BCAS3: variants seen among roughly 807,000 people sequenced by gnomAD.
BCAS3 encodes the protein BCAS3 microtubule associated cell migration factor, also known as BCAS4/BCAS3 fusion.
Under a neutral mutation model 116.1 loss-of-function variants are expected in BCAS3, and 53 were observed. The observed-to-expected ratio is 0.46, with a 90% CI of 0.37 to 0.57. BCAS3 has a LOEUF of 0.57. Among genes scored for constraint, BCAS3 ranks in the 20% least tolerant of loss-of-function variants. The pLI, the probability that BCAS3 is intolerant of heterozygous loss-of-function variation, is 0.00. For missense variants in BCAS3, 917 were observed against 1,165.4 expected (o/e 0.79, Z 3.10); for synonymous variants, 391 against 408.2 (o/e 0.96, Z 0.51).
At chr17:61,092,840 AT>A (rs2073691543) in intron 22 of BCAS3, among the ~76,000 whole-genome samples, 1 of 146,960 alleles carries the variant, frequency 6.8e-6, no homozygotes, top group Non-Finnish European at 1.5e-5. Flanking sequence ...CAAAAATCTA[AT>A]TTTTTCATTG....
At chr17:60,813,048 A>G (rs566600961) in intron 7 of BCAS3, among the ~76,000 whole-genome samples, 1 of 152,232 alleles carries the variant, frequency 6.6e-6, no homozygotes, top group South Asian at 2.1e-4. Context: ...TGGTCCAATC[A>G]TATTATTCTT....
chr17:61,039,064 A>G (rs1171757914), intron 18 of BCAS3, among the ~76,000 whole-genome samples: 1 of 152,226 alleles, frequency 6.6e-6, no homozygotes, highest in African/African-American at 2.4e-5. Context: ...TCATCACCCT[A>G]AAAAGAAACC....
intron 22 of BCAS3, among the ~76,000 whole-genome samples, chr17:61,142,060 G>C (rs1349247090): frequency 6.6e-6 from 1 of 151,254 alleles, no homozygotes; most frequent in East Asian, 1.9e-4. Context: ...CTCATTTATT[G>C]GTGTTTATTA....
At chr17:60,775,825 G>A (rs2045231830) in intron 6 of BCAS3, among the ~76,000 whole-genome samples, 1 of 152,120 alleles carries the variant, frequency 6.6e-6, no homozygotes, top group South Asian at 2.1e-4. Context: ...AAAGTTTTTG[G>A]CAGTGTTTTA....
chr17:61,253,041 A>G (rs1030451637), intron 22 of BCAS3, among the ~76,000 whole-genome samples: 3 of 151,314 alleles, frequency 2.0e-5, no homozygotes, highest in Non-Finnish European at 2.9e-5. Context: ...TACCATGCCT[A>G]ATTTTGTATT....
rs763038689 is a variant in BCAS3 at position 61,131,344 on chromosome 17, G to A, written c.2425+46780G>A. Among the ~76,000 whole-genome samples the A allele has an allele frequency of 6.6e-6, 1 of 152,120 alleles. No homozygotes were observed. Among genetic ancestry groups the A allele is most frequent in the Non-Finnish European group, 1.5e-5 (1 of 68,038 alleles). On this transcript the variant is annotated intron_variant, in intron 22 of 23. Transcript: ENST00000407086. This position sits in a 1 kb window ranked among gnomAD's most constrained non-coding sequence, Gnocchi z 4.4. ...CAGCAGGTATGACAGAGGGTTCCCT[G>A]ACTTTGATAGTTTTAATTATCTTAA... is the stretch of plus-strand genomic sequence containing the variant.
At position 61,380,498 on chromosome 17, in the gene BCAS3, C is replaced by G. The variant is rs754506898; in HGVS notation, c.2594-11479C>G. 1 of 1,596,342 alleles carries G rather than the reference C, an allele frequency of 6.3e-7. No individual in the cohort carries two copies. Among genetic ancestry groups the G allele is most frequent in the Non-Finnish European group, 8.5e-7 (1 of 1,178,048 alleles). On this transcript the variant is annotated intron_variant, in intron 23 of 23. Coordinates refer to ENST00000407086, the MANE Select transcript of BCAS3 (RefSeq NM_017679.5). This position sits in a 1 kb window ranked among gnomAD's most constrained non-coding sequence, Gnocchi z 4.2. ...CCGCTTTAAAGGAATATTTTATTTT[C>G]AATACAGACACAGCCCTTGACGTAG...
intron 5 of BCAS3, among the ~76,000 whole-genome samples, chr17:60,724,085 A>G (rs939724510): frequency 6.6e-6 from 1 of 150,574 alleles, no homozygotes; most frequent in African/African-American, 2.4e-5. Flanking sequence ...TTTATCTTTT[A>G]CTCTATTATT....
chr17:60,882,130 A>G (rs2056221812), intron 9 of BCAS3, among the ~76,000 whole-genome samples: 1 of 151,648 alleles, frequency 6.6e-6, no homozygotes, highest in Non-Finnish European at 1.5e-5. Flanking sequence ...AATGATTGCC[A>G]TTCTAACTGG....
chr17:61,078,231 C>T (rs1158397015), intron 20 of BCAS3, 102 bp from the exon 21 acceptor site: 2 of 883,090 alleles, frequency 2.3e-6, no homozygotes, highest in Non-Finnish European at 3.5e-6. Context: ...TTAACATGGG[C>T]TTCTTGAAGA....
rs77964283 is a variant in BCAS3 at position 60,720,838 on chromosome 17, C to G, written c.321+11513C>G. On this transcript the variant is annotated intron_variant, in intron 5 of 23. Transcript: ENST00000407086. The stretch of plus-strand genomic sequence containing the variant: ...TGTCCACAGGGATTCTGGAACCAAC[C>G]CCATGTGAATACAGAGAGATGACTG... Among the ~76,000 whole-genome samples, 1,198 of 152,090 alleles carry G rather than the reference C, an allele frequency of 7.9e-3. 5 individuals carry two copies. Among genetic ancestry groups the G allele is most frequent in the Non-Finnish European group, 0.012 (826 of 68,016 alleles).
intron 6 of BCAS3, among the ~76,000 whole-genome samples, chr17:60,773,492 C>T (rs919813095): frequency 2.0e-5 from 3 of 151,902 alleles, no homozygotes; most frequent in African/African-American, 2.4e-5. Context: ...GGGGTTTTGC[C>T]GTGTTGCCCA....
chr17:61,194,181 T>C (rs1271505316), intron 22 of BCAS3, among the ~76,000 whole-genome samples: 1 of 152,148 alleles, frequency 6.6e-6, no homozygotes, highest in Non-Finnish European at 1.5e-5. Flanking sequence ...CAGATTGTGC[T>C]ATTAGCTCGT....
At chr17:61,055,123 T>C (rs1451174491) in intron 19 of BCAS3, among the ~76,000 whole-genome samples, 1 of 152,158 alleles carries the variant, frequency 6.6e-6, no homozygotes, top group African/African-American at 2.4e-5. Context: ...CTTCAAAAAA[T>C]GAGGAGCTAA....
In BCAS3 at chr17:61,034,679, C is replaced by T; in HGVS notation, c.1651C>T (p.Pro551Ser). Reference protein sequence around the residue: ...ITKRTGKVKPPPQISPSKSMG... With the variant: ...ITKRTGKVKPSPQISPSKSMG... ...TTATTTTTTAAGCAAAGTTAAACCTCCTCCACAAATTTCACCCAGCAAATC... is the reference window on the plus strand; with the variant it reads ...TTATTTTTTAAGCAAAGTTAAACCTTCTCCACAAATTTCACCCAGCAAATC... The change falls in exon 17 of 24, where the codon CCT becomes TCT. Residue 551 changes from proline to serine, a missense_variant. Physicochemically the swap from Pro to Ser is moderately conservative, Grantham distance 74 (BLOSUM62 -1). This residue lies in a region of BCAS3 where 807 missense variants were observed against 1,026.0 expected (regional missense o/e 0.79). Coordinates refer to ENST00000407086, the MANE Select transcript of BCAS3 (RefSeq NM_017679.5). The surrounding 1 kb of genome is among the most constrained non-coding windows in gnomAD (Gnocchi z 5.0). 5 of 1,607,936 alleles carry T rather than the reference C, an allele frequency of 3.1e-6. No individual in the cohort carries two copies. Among genetic ancestry groups the T allele is most frequent in the Non-Finnish European group, 3.4e-6 (4 of 1,176,110 alleles).
chr17:60,916,650 G>A (rs577630665), intron 12 of BCAS3, among the ~76,000 whole-genome samples: 2 of 152,284 alleles, frequency 1.3e-5, no homozygotes, highest in African/African-American at 4.8e-5. Context: ...GTTGACCGAT[G>A]TGTGTGTAAG....
At chr17:61,192,435 A>T (rs1450513347) in intron 22 of BCAS3, among the ~76,000 whole-genome samples, 1 of 152,054 alleles carries the variant, frequency 6.6e-6, no homozygotes, top group Non-Finnish European at 1.5e-5. Flanking sequence ...ATTTGTATCT[A>T]TGTACGTTGT....
intron 19 of BCAS3, among the ~76,000 whole-genome samples, chr17:61,061,768 C>T (rs2070067563): frequency 6.6e-6 from 1 of 152,142 alleles, no homozygotes; most frequent in African/African-American, 2.4e-5. Flanking sequence ...ACTGTTGAAG[C>T]ATTACAACTC....
Position 61,243,458 on chromosome 17 carries a change from C to A in BCAS3, c.2426-124869C>A, listed in dbSNP as rs889059215. On this transcript the variant is annotated intron_variant, in intron 22 of 23. Coordinates refer to ENST00000407086, the MANE Select transcript of BCAS3 (RefSeq NM_017679.5). This position sits in a 1 kb window ranked among gnomAD's most constrained non-coding sequence, Gnocchi z 5.6. Reference sequence around the variant, plus strand: ...CGTTCCATACAGTGAAGTGGAGATACCTCTTCGAGATCCACATTTCAGTTC... The same window carrying A: ...CGTTCCATACAGTGAAGTGGAGATAACTCTTCGAGATCCACATTTCAGTTC... Among the ~76,000 whole-genome samples, 1 of 151,664 alleles carries A rather than the reference C, an allele frequency of 6.6e-6. No homozygotes were observed. Among genetic ancestry groups the A allele is most frequent in the Non-Finnish European group, 1.5e-5 (1 of 68,000 alleles).
Sources: gnomAD v4.1 joint callset for allele counts (sites outside exome capture counted in the v4.1 genomes callset) on GRCh38, gnomAD v4.1.1 for gene constraint, gnomAD v4.1.1 regional missense constraint, Gnocchi (gnomAD v3.1) non-coding constraint, MANE v1.5 for transcripts, NCBI Gene and HGNC (gene_info 2026-07-23, HGNC 2026-07-21) for gene names.